MYH10: variants seen among roughly 807,000 people sequenced by gnomAD.
MYH10 encodes myosin heavy chain 10, also known as myosin-10.
MYH10 carries 55 observed loss-of-function variants against 257.8 expected under a neutral mutation model. The observed-to-expected ratio is 0.21, with a 90% CI of 0.17 to 0.27. The LOEUF (loss-of-function observed/expected upper bound fraction) is 0.27. Ranked by LOEUF, MYH10 falls within the 10% of genes least tolerant of loss-of-function variation. The probability of loss-of-function intolerance (pLI) is 1.00; values close to 1 mark genes in which losing one functional copy is unlikely to be tolerated. For missense variants in MYH10, 1,631 were observed against 2,500.6 expected, an observed-to-expected ratio of 0.65 and a Z score of 7.42; for synonymous variants, 854 against 921.7, an observed-to-expected ratio of 0.93 and a Z score of 1.33.
At position 8,530,622 on chromosome 17, in the gene MYH10, C is replaced by T; in HGVS notation, c.1957+1G>A. On this transcript the variant is annotated splice_donor_variant, in intron 17 of 42. Transcript: ENST00000360416. LOFTEE classifies it high-confidence loss of function. ...AAGACCTACAGGCTTTATACATTCA[C>T]CTGGTGGCTCATGAAGACCAGAAAC... 1 of 1,487,128 alleles carries T rather than the reference C, an allele frequency of 6.7e-7. No homozygotes were observed. Among genetic ancestry groups the T allele is most frequent in the Non-Finnish European group, 9.0e-7 (1 of 1,106,222 alleles). The allele number at this position is 1,487,128 out of a possible 1,614,324, so 92.1% of individuals were successfully genotyped here. A position where few individuals can be genotyped will look rare whatever the true frequency, so the allele number is the denominator to read the frequency against.
rs761990793 is a variant in MYH10, at chr17:8,490,300, C to T, written c.4884+40G>A. The T allele has an allele frequency of 6.3e-6, 10 of 1,590,370 alleles. No homozygotes were observed. In the East Asian group the frequency reaches 1.8e-4, roughly 28 times the overall value. On this transcript the variant is annotated intron_variant, in intron 35 of 42. Coordinates refer to ENST00000360416, the MANE Select transcript of MYH10 (RefSeq NM_001256012.3). This position sits in a 1 kb window ranked among gnomAD's most constrained non-coding sequence, Gnocchi z 4.1. The stretch of plus-strand genomic sequence containing the variant: ...CTGACCCAGAGCTGGGCTTTGAGAG[C>T]CTGCACCCCTTGTTGTGGAGGCCGC...
chr17:8,601,255 A>G (rs2084580002), intron 3 of MYH10, among the ~76,000 whole-genome samples: 1 of 152,186 alleles, frequency 6.6e-6, no homozygotes, highest in Admixed American at 6.5e-5. Flanking sequence ...ACAAGCCACA[A>G]GGTGGTGAGC....
At chr17:8,510,343 A>G (rs1210661689) in intron 24 of MYH10, among the ~76,000 whole-genome samples, 1 of 152,208 alleles carries the variant, frequency 6.6e-6, no homozygotes, top group Non-Finnish European at 1.5e-5. Context: ...TATTTAAAAA[A>G]ATATGAAATG....
intron 19 of MYH10, 30 bp from the exon 20 acceptor site, chr17:8,518,980 G>C: frequency 6.5e-7 from 1 of 1,536,794 alleles, no homozygotes; most frequent in Non-Finnish European, 8.9e-7. Context: ...GAAGTATTTT[G>C]TAGAAATTTG....
chr17:8,582,215 CAG>C (rs1479678526), intron 4 of MYH10, among the ~76,000 whole-genome samples: 1 of 152,110 alleles, frequency 6.6e-6, no homozygotes, highest in Non-Finnish European at 1.5e-5. Context: ...CAGATGGAAA[CAG>C]AGGAGGTAAC....
chr17:8,487,490 T>G lies in MYH10; in HGVS notation c.4989A>C (p.Gln1663His), dbSNP rs767849368. 5.6e-6 allele frequency: 9 copies of G among 1,614,178 alleles called. 1 individual carries two copies. In the South Asian group the frequency reaches 9.9e-5, roughly 18 times the overall value. ...CCCGAGCTTTGTTCGCAGCCTCGAT[T>G]TGGGCTTCGAGGTCCTTCAGGTCTA... ...MEIDLKDLEA[Q>H]IEAANKARDE... The change falls in exon 36 of 43, where the codon CAA becomes CAC. Residue 1663 changes from glutamine (Q) to histidine (H), a missense_variant. Gln to His is a conservative substitution (Grantham distance 24). Around this residue, in one of 11 missense-constraint regions of MYH10, gnomAD observed 463 missense variants for 621.8 expected, o/e 0.74. Transcript: ENST00000360416.
chr17:8,571,990 G>T (rs4445952), intron 6 of MYH10, among the ~76,000 whole-genome samples: 9 of 151,638 alleles, frequency 5.9e-5, no homozygotes, highest in Admixed American at 5.2e-4. Flanking sequence ...AAAAACACTG[G>T]CATTCTAGTA....
In MYH10 at chr17:8,500,873, C is replaced by T. The variant is rs376424239; in HGVS notation, c.3697G>A (p.Ala1233Thr). 72 of 1,614,028 alleles carry T rather than the reference C, an allele frequency of 4.5e-5. No individual in the cohort carries two copies. Among genetic ancestry groups the T allele is most frequent in the Middle Eastern group, 1.7e-4 (1 of 5,966 alleles). ...AQIQDMRQRH[A>T]TALEELSEQL... is the part of the protein sequence containing the mutation. ...TCTGAGAGCTCCTCCAGGGCTGTTGCGTGTCTTTGTCTCATGTCCTGGATT... is the reference window on the plus strand; with the variant it reads ...TCTGAGAGCTCCTCCAGGGCTGTTGTGTGTCTTTGTCTCATGTCCTGGATT... Residue 1233 changes from alanine (A) to threonine (T), a missense_variant, in exon 29 of 43, where the codon GCA (alanine) becomes ACA (threonine). This residue lies in a region of MYH10 where 463 missense variants were observed against 621.8 expected (regional missense o/e 0.74). Transcript: ENST00000360416.
At chr17:8,544,218 T>C (rs886228830) in intron 13 of MYH10, among the ~76,000 whole-genome samples, 1 of 152,216 alleles carries the variant, frequency 6.6e-6, no homozygotes, top group African/African-American at 2.4e-5. Context: ...CAACTTAGCA[T>C]TTTTACCATC....
Position 8,550,410 on chromosome 17 carries a change from CCCGGCCGCCCCGT to C in MYH10, c.919+1623_920-1624del, listed in dbSNP as rs1482429030. The stretch of plus-strand genomic sequence containing the variant: ...GTCTGGGAGGTGAGGAGCATCTCTG[CCCGGCCGCCCCGT>C]CTGAGAAGTGAGGAGCCCCTCCGCC... On this transcript the variant is annotated intron_variant, in intron 9 of 42. Coordinates refer to ENST00000360416, the MANE Select transcript of MYH10 (RefSeq NM_001256012.3). 1.9e-4 allele frequency among the ~76,000 whole-genome samples: 29 copies of C among 148,784 alleles called. 1 individual carries two copies. The highest frequency in any genetic ancestry group is 1.5e-3 in the South Asian group (7 of 4,654).
At chr17:8,496,379 T>G (rs1004839727) in intron 30 of MYH10, among the ~76,000 whole-genome samples, 1 of 152,204 alleles carries the variant, frequency 6.6e-6, no homozygotes, top group Non-Finnish European at 1.5e-5. Context: ...TTGGGAACAG[T>G]GTGGTGGGGA....
In MYH10 at chr17:8,478,466, A is replaced by G; in HGVS notation, c.5598-20T>C. 1 of 1,606,940 alleles carries G rather than the reference A, an allele frequency of 6.2e-7. No individual in the cohort carries two copies. The highest frequency in any genetic ancestry group is 8.5e-7 in the Non-Finnish European group (1 of 1,173,940). ...CGTTCCCTGTGAAAGTGGTCACAGT[A>G]GTTTTGAAATTCTTGAAATGGTATT... On this transcript the variant is annotated intron_variant, in intron 40 of 42. Transcript: ENST00000360416.
At chr17:8,572,539 A>G (rs1045169285) in intron 6 of MYH10, among the ~76,000 whole-genome samples, 4 of 152,140 alleles carry the variant, frequency 2.6e-5, no homozygotes, top group Admixed American at 2.6e-4. Context: ...TCGTTAGTGT[A>G]TTTTATGCAT....
intron 28 of MYH10, among the ~76,000 whole-genome samples, chr17:8,502,481 TG>T (rs1242515438): frequency 9.3e-4 from 2 of 2,144 alleles, no homozygotes; most frequent in African/African-American, 9.9e-4. Context: ...GGAAAATAGT[TG>T]TGTGTGTGTG....
At chr17:8,533,385 T>C (rs2082055611) in intron 16 of MYH10, among the ~76,000 whole-genome samples, 1 of 152,144 alleles carries the variant, frequency 6.6e-6, no homozygotes, top group Non-Finnish European at 1.5e-5. Flanking sequence ...TAAAGCCAAA[T>C]GGAACACTCC....
chr17:8,557,804 C>T (rs1350010020), intron 7 of MYH10, among the ~76,000 whole-genome samples: 1 of 152,174 alleles, frequency 6.6e-6, no homozygotes, highest in Non-Finnish European at 1.5e-5. Flanking sequence ...CAATATTACT[C>T]TGGACATGAG....
At chr17:8,577,001 T>TG (rs2083523982) in intron 5 of MYH10, among the ~76,000 whole-genome samples, 1 of 152,184 alleles carries the variant, frequency 6.6e-6, no homozygotes, top group African/African-American at 2.4e-5. Flanking sequence ...AAATTAGGCA[T>TG]CAAGCCACAA....
At position 8,555,201 on chromosome 17, in the gene MYH10, A is replaced by G. The variant is rs182040833; in HGVS notation, c.757-1183T>C. 1.8e-3 allele frequency among the ~76,000 whole-genome samples: 276 copies of G among 152,298 alleles called. 2 individuals are homozygous for G. The highest frequency in any genetic ancestry group is 6.4e-3 in the African/African-American group (264 of 41,560). On this transcript the variant is annotated intron_variant, in intron 7 of 42. Transcript: ENST00000360416. ...AAGAATGGTTTATTCTAGGACTGCT[A>G]AGAAGGACTGACACTAGTAAACATA...
chr17:8,595,503 G>A (rs1441522985), intron 3 of MYH10, among the ~76,000 whole-genome samples: 1 of 130,002 alleles, frequency 7.7e-6, no homozygotes, highest in Non-Finnish European at 1.5e-5. Context: ...CGTGATCTCC[G>A]CTCACTGCAA....
Sources: allele counts gnomAD v4.1 joint callset (sites outside exome capture counted in the v4.1 genomes callset), GRCh38; gene constraint gnomAD v4.1.1; regional missense constraint gnomAD v4.1.1; non-coding constraint Gnocchi (gnomAD v3.1); transcripts MANE v1.5; gene names NCBI Gene and HGNC (gene_info 2026-07-23, HGNC 2026-07-21).